The following SLC24A2 variants were observed in gnomAD, a reference collection of about 807,000 sequenced individuals.
SLC24A2 encodes solute carrier family 24 member 2.
SLC24A2 carries 36 observed loss-of-function variants against 62.0 expected under a neutral mutation model. The ratio of observed to expected loss-of-function variants is 0.58; its 90% CI spans 0.44 to 0.77. The LOEUF is 0.77. SLC24A2 is among the 30% of genes least tolerant of loss of function. The pLI is 0.00. For synonymous variants in SLC24A2, 358 were observed against 294.0 expected (o/e 1.22, Z -2.23); for missense variants, 846 against 817.9 (o/e 1.03, Z -0.42).
intron 4 of SLC24A2, among the ~76,000 whole-genome samples, chr9:19,600,988 G>A (rs551037152): frequency 1.1e-4 from 17 of 152,156 alleles, no homozygotes; most frequent in Non-Finnish European, 1.9e-4. Flanking sequence ...GACTTCCTGG[G>A]TCTAGTGGGG....
chr9:19,572,276 A>AG (rs1255743813), intron 7 of SLC24A2, among the ~76,000 whole-genome samples: 5 of 151,152 alleles, frequency 3.3e-5, no homozygotes, highest in Non-Finnish European at 7.4e-5. Flanking sequence ...AAAAAAAAAA[A>AG]AAAAAATGGA....
At chr9:19,938,021 A>G in the SLC24A2 span, among the ~76,000 whole-genome samples, 73,274 of 152,054 alleles carry the variant, frequency 0.48, 18,156 homozygotes, top group Non-Finnish European at 0.52. Context: ...AGAAATAACA[A>G]TATTGCATTT....
the SLC24A2 span, among the ~76,000 whole-genome samples, chr9:20,245,755 C>T: frequency 6.6e-6 from 1 of 152,132 alleles, no homozygotes; most frequent in Admixed American, 6.5e-5. Flanking sequence ...AACTTAACAA[C>T]AAAGTTTAAC....
the SLC24A2 span, among the ~76,000 whole-genome samples, chr9:20,216,826 T>C: frequency 5.9e-5 from 9 of 152,194 alleles, no homozygotes; most frequent in Non-Finnish European, 1.2e-4. Flanking sequence ...TGTGCCTTAG[T>C]TGAGATTAAT....
chr9:19,807,316 A>G, the SLC24A2 span, among the ~76,000 whole-genome samples: 2 of 152,230 alleles, frequency 1.3e-5, no homozygotes, highest in Non-Finnish European at 2.9e-5. Flanking sequence ...TTTGCCATTT[A>G]TCTGAACACG....
chr9:19,697,425 C>T (rs1218883574), intron 2 of SLC24A2, among the ~76,000 whole-genome samples: 1 of 151,954 alleles, frequency 6.6e-6, no homozygotes, highest in African/African-American at 2.4e-5. Flanking sequence ...GCATATGTAC[C>T]CCAGAATTTA....
At chr9:19,529,918 T>G (rs980253245) in intron 8 of SLC24A2, among the ~76,000 whole-genome samples, 13 of 151,528 alleles carry the variant, frequency 8.6e-5, no homozygotes, top group African/African-American at 2.9e-4. Context: ...CCCCACTAAT[T>G]TTTTTGTATT....
chr9:19,690,918 T>A (rs78590099), intron 2 of SLC24A2, among the ~76,000 whole-genome samples: 27,327 of 151,014 alleles, frequency 0.18, 2,611 homozygotes, highest in Middle Eastern at 0.24. Context: ...TGTGTGCGTG[T>A]GAGAGAGAGA....
the SLC24A2 span, among the ~76,000 whole-genome samples, chr9:20,054,180 T>A: frequency 6.6e-6 from 1 of 152,080 alleles, no homozygotes; most frequent in African/African-American, 2.4e-5. Context: ...TTTTCTTTTC[T>A]TTTCTTTTAT....
At chr9:20,064,548 T>C in the SLC24A2 span, among the ~76,000 whole-genome samples, 3 of 152,200 alleles carry the variant, frequency 2.0e-5, no homozygotes, top group African/African-American at 7.2e-5. Context: ...GATGAGGTTG[T>C]TATTTACACA....
intron 2 of SLC24A2, among the ~76,000 whole-genome samples, chr9:19,696,687 C>A (rs1820200937): frequency 6.6e-6 from 1 of 151,988 alleles, no homozygotes; most frequent in African/African-American, 2.4e-5. Context: ...AATATTGCAT[C>A]CAGGAAAAAG....
chr9:19,544,613 A>G (rs189058029), intron 8 of SLC24A2, among the ~76,000 whole-genome samples: 10 of 152,278 alleles, frequency 6.6e-5, no homozygotes, highest in Non-Finnish European at 4.4e-5. Flanking sequence ...GAGCTCTTGT[A>G]AGGCAGGCCT....
chr9:19,613,122 G>A (rs749602653), intron 4 of SLC24A2, among the ~76,000 whole-genome samples: 1 of 152,174 alleles, frequency 6.6e-6, no homozygotes, highest in Non-Finnish European at 1.5e-5. Flanking sequence ...ACTTTGTTCA[G>A]TAAAAATACT....
chr9:20,106,040 C>G, the SLC24A2 span, among the ~76,000 whole-genome samples: 1 of 152,152 alleles, frequency 6.6e-6, no homozygotes, highest in Admixed American at 6.6e-5. Context: ...CACAGAAATA[C>G]AAACTACCAT....
the SLC24A2 span, among the ~76,000 whole-genome samples, chr9:19,950,248 A>G: frequency 6.6e-5 from 10 of 152,230 alleles, no homozygotes; most frequent in Non-Finnish European, 1.5e-4. Flanking sequence ...ATCAGGTAAT[A>G]TAAGTAAATA....
the SLC24A2 span, among the ~76,000 whole-genome samples, chr9:20,170,633 AG>A: frequency 5.3e-5 from 8 of 151,988 alleles, no homozygotes; most frequent in Admixed American, 5.2e-4. Flanking sequence ...TACAGTAACT[AG>A]GGACAAGGAG....
At chr9:20,252,125 A>G in the SLC24A2 span, among the ~76,000 whole-genome samples, 1 of 152,214 alleles carries the variant, frequency 6.6e-6, no homozygotes, top group Non-Finnish European at 1.5e-5. Flanking sequence ...CTACAAGACA[A>G]TGTGTTCACA....
chr9:19,829,451 A>G, the SLC24A2 span, among the ~76,000 whole-genome samples: 1 of 152,204 alleles, frequency 6.6e-6, no homozygotes, highest in Non-Finnish European at 1.5e-5. Context: ...TTTGAAAGGC[A>G]TTGACATGGT....
At chr9:19,886,448 TG>T in the SLC24A2 span, among the ~76,000 whole-genome samples, 3 of 151,802 alleles carry the variant, frequency 2.0e-5, no homozygotes, top group Admixed American at 2.0e-4. Context: ...AACAAACATA[TG>T]AAAAAAAGCT....
Sources: allele counts gnomAD v4.1 joint callset (sites outside exome capture counted in the v4.1 genomes callset), GRCh38; gene constraint gnomAD v4.1.1; transcripts MANE v1.5; gene names NCBI Gene and HGNC (gene_info 2026-07-23, HGNC 2026-07-21).